Variants in STK39 observed in about 807,000 individuals in gnomAD.
STK39 encodes the protein STE20/SPS1-related proline-alanine-rich protein kinase.
In STK39, 20 loss-of-function variants were observed where a neutral mutation model predicts 77.8. The observed-to-expected ratio is 0.26, with a 90% CI of 0.18 to 0.37. The LOEUF (loss-of-function observed/expected upper bound fraction) is 0.37. Ranked by LOEUF, STK39 falls within the 10% of genes least tolerant of loss-of-function variation. STK39 has a pLI of 1.00. For missense variants in STK39, 479 were observed against 656.5 expected, an observed-to-expected ratio of 0.73 and a Z score of 2.95; for synonymous variants, 246 against 234.1, an observed-to-expected ratio of 1.05 and a Z score of -0.47.
intron 5 of STK39, among the ~76,000 whole-genome samples, chr2:168,142,450 T>C (rs1688006957): frequency 6.6e-6 from 1 of 152,152 alleles, no homozygotes; most frequent in Non-Finnish European, 1.5e-5. Flanking sequence ...AGGTAAAAGC[T>C]GCTTTAAGGA....
At chr2:168,089,861 C>G (rs979363016) in intron 10 of STK39, among the ~76,000 whole-genome samples, 9 of 152,168 alleles carry the variant, frequency 5.9e-5, no homozygotes, top group African/African-American at 1.9e-4. Context: ...GATGCACTTG[C>G]CTTGTCCTCC....
At chr2:167,999,849 C>A (rs750458167) in intron 16 of STK39, among the ~76,000 whole-genome samples, 90 of 152,328 alleles carry the variant, frequency 5.9e-4, no homozygotes, top group Non-Finnish European at 8.2e-4. Context: ...AGGCTCCTCC[C>A]GCTACTTCTG....
At chr2:168,079,134 T>A (rs1351009363) in intron 10 of STK39, among the ~76,000 whole-genome samples, 1 of 152,172 alleles carries the variant, frequency 6.6e-6, no homozygotes, top group Non-Finnish European at 1.5e-5. Flanking sequence ...GAAATGTGAC[T>A]CAGTAAGACG....
intron 5 of STK39, among the ~76,000 whole-genome samples, chr2:168,143,563 A>G (rs1688051054): frequency 6.6e-6 from 1 of 152,104 alleles, no homozygotes; most frequent in Non-Finnish European, 1.5e-5. Context: ...AAATACAAAA[A>G]ATCAGCTGGG....
At chr2:168,200,066 C>T (rs183253557) in intron 1 of STK39, among the ~76,000 whole-genome samples, 201 of 152,244 alleles carry the variant, frequency 1.3e-3, no homozygotes, top group African/African-American at 4.6e-3. Context: ...ACAACCAGAA[C>T]GACCAAATAG....
At chr2:168,149,645 G>T (rs1688228884) in intron 5 of STK39, among the ~76,000 whole-genome samples, 1 of 152,200 alleles carries the variant, frequency 6.6e-6, no homozygotes, top group Non-Finnish European at 1.5e-5. Context: ...GTTAACCATT[G>T]CATCAGAGGC....
intron 13 of STK39, among the ~76,000 whole-genome samples, chr2:168,064,000 G>T (rs141493236): frequency 6.6e-6 from 1 of 152,154 alleles, no homozygotes; most frequent in East Asian, 1.9e-4. Flanking sequence ...TTCTCACCTA[G>T]AGCCCATTTT....
At chr2:168,140,518 C>G in intron 6 of STK39, 128 bp from the exon 7 acceptor site, 1 of 1,148,528 alleles carries the variant, frequency 8.7e-7, no homozygotes. Context: ...AATTAGCTAG[C>G]AATTGAGAAT....
chr2:168,221,485 T>C (rs937912676), intron 1 of STK39, among the ~76,000 whole-genome samples: 2 of 152,208 alleles, frequency 1.3e-5, no homozygotes, highest in African/African-American at 4.8e-5. Context: ...GTCCTGTCTC[T>C]CACTACTAGT....
chr2:168,098,205 G>A (rs773298619), intron 10 of STK39, among the ~76,000 whole-genome samples: 1 of 152,206 alleles, frequency 6.6e-6, no homozygotes, highest in Non-Finnish European at 1.5e-5. Context: ...TTAAAATCAA[G>A]TGCACATGTA....
intron 16 of STK39, among the ~76,000 whole-genome samples, chr2:167,984,040 T>C (rs1295880383): frequency 1.3e-5 from 2 of 152,148 alleles, no homozygotes; most frequent in Admixed American, 6.5e-5. Flanking sequence ...AGTGGTTGCA[T>C]AGGAGGAAAC....
chr2:167,985,598 T>C (rs570247488), intron 16 of STK39, among the ~76,000 whole-genome samples: 43 of 152,312 alleles, frequency 2.8e-4, no homozygotes, highest in Admixed American at 1.1e-3. Context: ...CTTCACTACC[T>C]GGCAGTGCAT....
chr2:168,082,143 A>G (rs937316399), intron 10 of STK39, among the ~76,000 whole-genome samples: 7 of 151,898 alleles, frequency 4.6e-5, no homozygotes, highest in Non-Finnish European at 2.9e-5. Context: ...CTCTGGGAGC[A>G]CTCCTCATGT....
chr2:168,056,712 G>A (rs1367628514), intron 14 of STK39, among the ~76,000 whole-genome samples: 2 of 152,220 alleles, frequency 1.3e-5, no homozygotes, highest in Non-Finnish European at 1.5e-5. Flanking sequence ...ATGTAGATAT[G>A]TATATGTACA....
At chr2:168,139,318 C>T (rs1019346687) in intron 7 of STK39, among the ~76,000 whole-genome samples, 5 of 151,800 alleles carry the variant, frequency 3.3e-5, no homozygotes, top group Admixed American at 6.6e-5. Flanking sequence ...ATTGTTTACG[C>T]TTCAATTTTA....
At chr2:168,048,216 C>CTT (rs1335296463) in intron 14 of STK39, among the ~76,000 whole-genome samples, 6 of 139,330 alleles carry the variant, frequency 4.3e-5, no homozygotes, top group Non-Finnish European at 6.3e-5. Flanking sequence ...TTGGCCTATG[C>CTT]TTTTTTTTTT....
intron 14 of STK39, among the ~76,000 whole-genome samples, chr2:168,044,487 A>T (rs1685188333): frequency 6.6e-6 from 1 of 152,204 alleles, no homozygotes; most frequent in African/African-American, 2.4e-5. Flanking sequence ...AGTAAGCTTG[A>T]TAAAATACTG....
At position 168,243,151 on chromosome 2, in the gene STK39, G is replaced by A. The variant is rs1245993485; in HGVS notation, c.208+4077C>T. Among the ~76,000 whole-genome samples, 6 of 152,250 alleles carry A rather than the reference G, an allele frequency of 3.9e-5. No individual in the cohort carries two copies. In the South Asian group the frequency reaches 6.2e-4, roughly 16 times the overall value. On this transcript the variant is annotated intron_variant, in intron 1 of 17. Coordinates refer to ENST00000355999, the MANE Select transcript of STK39 (RefSeq NM_013233.3). ...CCGGCTCCCTTACCCTAGCGCCAGC[G>A]AAGGTACCACTGTCCTCAAACTGCC...
At chr2:168,069,161 A>T (rs989929023) in intron 12 of STK39, among the ~76,000 whole-genome samples, 17 of 151,950 alleles carry the variant, frequency 1.1e-4, no homozygotes, top group African/African-American at 3.9e-4. Context: ...CAGGTGATCC[A>T]CCCGCCTCAG....
Sources: gnomAD v4.1 joint callset for allele counts (sites outside exome capture counted in the v4.1 genomes callset) on GRCh38, gnomAD v4.1.1 for gene constraint, MANE v1.5 for transcripts, NCBI Gene and HGNC (gene_info 2026-07-23, HGNC 2026-07-21) for gene names.